PON2: variants seen among roughly 807,000 people sequenced by gnomAD.
PON2 encodes the protein paraoxonase 2.
Under a neutral mutation model 36.6 loss-of-function variants are expected in PON2, and 27 were observed. The observed-to-expected ratio is 0.74, with a 90% confidence interval of 0.54 to 1.02. The LOEUF (loss-of-function observed/expected upper bound fraction) is 1.02, where lower values mean the gene tolerates loss of function less well. PON2 is among the 50% of genes least tolerant of loss of function. The pLI is 0.00. For missense variants in PON2, 363 were observed against 421.1 expected (o/e 0.86, Z 1.21); for synonymous variants, 149 against 156.3 (o/e 0.95, Z 0.35).
In PON2 at chr7:95,406,991, AAC is replaced by A; in HGVS notation, c.771_772del (p.Gln257HisfsTer5). The A allele has an allele frequency of 2.0e-6, 3 of 1,527,698 alleles. No individual in the cohort carries two copies. In the African/African-American group the frequency reaches 4.1e-5, roughly 21 times the overall value. The allele number at this position is 1,527,698 out of a possible 1,614,324, so 94.6% of individuals were successfully genotyped here. A position where few individuals can be genotyped will look rare whatever the true frequency, so the allele number is the denominator to read the frequency against. On this transcript the variant is annotated frameshift_variant, in exon 7 of 9. Transcript: ENST00000222572. LOFTEE classifies it high-confidence loss of function. ...ATGTAAAAATAAATATTTTACCTTC[AAC>A]TGAGTTAAATTCATATTAGTGTGTT...
intron 1 of PON2, among the ~76,000 whole-genome samples, chr7:95,425,562 A>G (rs142436548): frequency 2.6e-5 from 4 of 152,332 alleles, no homozygotes; most frequent in Admixed American, 2.6e-4. Context: ...AGTGGTTCCC[A>G]CATACCATAC....
rs766488667 is a variant in PON2 at position 95,411,752 on chromosome 7, T to C, written c.395A>G (p.Asn132Ser). 10 of 1,613,532 alleles carry C rather than the reference T, an allele frequency of 6.2e-6. No homozygotes were observed. The South Asian group carries it at 1.1e-4, about 18-fold the overall frequency. The change falls in exon 5 of 9, where the codon AAC (asparagine) becomes AGC (serine). Residue 132 changes from asparagine to serine, a missense_variant. Asn to Ser is a conservative substitution (Grantham distance 46). Coordinates refer to ENST00000222572, the MANE Select transcript of PON2 (RefSeq NM_000305.3). ...NDDTVYLFVV[N>S]HPEFKNTVEI... is the part of the protein sequence containing the mutation. The stretch of plus-strand genomic sequence containing the variant: ...CACTGTATTCTTGAATTCTGGGTGG[T>C]TTACAACAAAGAGATAAACTGTGTC...
intron 1 of PON2, among the ~76,000 whole-genome samples, chr7:95,429,049 T>TA (rs1236402002): frequency 1.3e-5 from 2 of 151,832 alleles, no homozygotes; most frequent in East Asian, 1.9e-4. Context: ...TTTTTTTTTT[T>TA]ATACTTTAAG....
intron 1 of PON2, among the ~76,000 whole-genome samples, chr7:95,425,934 T>TA (rs1380235801): frequency 6.6e-6 from 1 of 152,008 alleles, no homozygotes; most frequent in African/African-American, 2.4e-5. Context: ...AATAAGGCAT[T>TA]AAAAAATACA....
At chr7:95,422,958 T>G (rs745713350) in intron 2 of PON2, among the ~76,000 whole-genome samples, 1 of 152,186 alleles carries the variant, frequency 6.6e-6, no homozygotes, top group Non-Finnish European at 1.5e-5. Flanking sequence ...TGTGGCAGAA[T>G]AGAACTAGAA....
At chr7:95,421,533 A>G (rs574930932) in intron 2 of PON2, among the ~76,000 whole-genome samples, 1 of 152,336 alleles carries the variant, frequency 6.6e-6, no homozygotes, top group South Asian at 2.1e-4. Flanking sequence ...GCTGGAAGGC[A>G]AGATGAAGCT....
At chr7:95,413,822 T>C (rs917709711) in intron 3 of PON2, among the ~76,000 whole-genome samples, 49 of 152,216 alleles carry the variant, frequency 3.2e-4, no homozygotes, top group African/African-American at 1.1e-3. Context: ...AAAGATTATC[T>C]ACAATTGTAT....
chr7:95,417,012 C>T (rs1356005177), intron 2 of PON2, among the ~76,000 whole-genome samples: 3 of 152,120 alleles, frequency 2.0e-5, no homozygotes, highest in Non-Finnish European at 4.4e-5. Context: ...TAAGACTTTC[C>T]CCAGCAGTCT....
chr7:95,405,524 C>T, intron 8 of PON2, 36 bp from the exon 9 acceptor site: 1 of 1,577,360 alleles, frequency 6.3e-7, no homozygotes, highest in Non-Finnish European at 8.7e-7. Flanking sequence ...TATAAGACCA[C>T]CGTACATGCA....
intron 2 of PON2, chr7:95,418,317 G>A (rs1789119293): frequency 6.6e-6 from 1 of 152,214 alleles, no homozygotes; most frequent in African/African-American, 2.4e-5. Context: ...TTATTTTAGA[G>A]TGAAGACTAT....
At chr7:95,407,560 CT>C (rs1809733805) in intron 6 of PON2, among the ~76,000 whole-genome samples, 2 of 152,128 alleles carry the variant, frequency 1.3e-5, no homozygotes, top group South Asian at 4.2e-4. Flanking sequence ...AATAATCTGT[CT>C]ACTTCAAAGG....
At chr7:95,418,258 C>T (rs1789116481) in intron 2 of PON2, 1 of 152,164 alleles carries the variant, frequency 6.6e-6, no homozygotes, top group African/African-American at 2.4e-5. Context: ...ACACCAAGTA[C>T]CAGGCTCCTT....
intron 2 of PON2, among the ~76,000 whole-genome samples, chr7:95,417,001 A>AT (rs1789078432): frequency 6.6e-6 from 1 of 152,244 alleles, no homozygotes; most frequent in Non-Finnish European, 1.5e-5. Flanking sequence ...ATAATTAGAC[A>AT]TAAGACTTTC....
chr7:95,429,383 A>G (rs1229797473), intron 1 of PON2, among the ~76,000 whole-genome samples: 1 of 152,152 alleles, frequency 6.6e-6, no homozygotes, highest in Non-Finnish European at 1.5e-5. Context: ...TTATGGCTGC[A>G]TAGTATTCCA....
chr7:95,410,743 A>T (rs935447687), intron 5 of PON2, among the ~76,000 whole-genome samples: 1 of 152,294 alleles, frequency 6.6e-6, no homozygotes, highest in Non-Finnish European at 1.5e-5. Flanking sequence ...GGTGTTATTA[A>T]ATTTAAATTC....
At chr7:95,429,209 G>T (rs1162432487) in intron 1 of PON2, among the ~76,000 whole-genome samples, 1 of 146,198 alleles carries the variant, frequency 6.8e-6, no homozygotes, top group Non-Finnish European at 1.5e-5. Flanking sequence ...AGAGGCCCCG[G>T]TGTGTGATGT....
At chr7:95,430,546 G>A (rs1475062468) in intron 1 of PON2, among the ~76,000 whole-genome samples, 11 of 151,890 alleles carry the variant, frequency 7.2e-5, no homozygotes, top group Non-Finnish European at 1.6e-4. Flanking sequence ...GTATCCACCC[G>A]CCTCAGCCTC....
Position 95,412,313 on chromosome 7 carries a change from G to T in PON2, c.366C>A (p.Asn122Lys). 6.2e-7 allele frequency: 1 copy of T among 1,614,026 alleles called. No homozygotes were observed. Among genetic ancestry groups the T allele is most frequent in the Non-Finnish European group, 8.5e-7 (1 of 1,179,944 alleles). The change falls in exon 4 of 9, where the codon AAC (asparagine) becomes AAA (lysine). Residue 122 changes from asparagine (N) to lysine (K), a missense_variant and splice_region_variant. Transcript: ENST00000222572. ...NPHGISTFID[N>K]DDTVYLFVVN... is the part of the protein sequence containing the mutation. Reference sequence around the variant, plus strand: ...TGTTGGTAGCCCATTGGCTCTTACCGTTGTCTATGAAAGTGCTGATGCCAT... The same window carrying T: ...TGTTGGTAGCCCATTGGCTCTTACCTTTGTCTATGAAAGTGCTGATGCCAT...
At chr7:95,408,337 T>C (rs909565318) in intron 6 of PON2, among the ~76,000 whole-genome samples, 1 of 152,158 alleles carries the variant, frequency 6.6e-6, no homozygotes, top group African/African-American at 2.4e-5. Context: ...TCAGAGAGGA[T>C]GACAACCTAA....
Sources: gnomAD v4.1 joint callset for allele counts (sites outside exome capture counted in the v4.1 genomes callset) on GRCh38, gnomAD v4.1.1 for gene constraint, MANE v1.5 for transcripts, NCBI Gene and HGNC (gene_info 2026-07-23, HGNC 2026-07-21) for gene names.